Variants in COL23A1 observed in about 807,000 individuals in gnomAD.
COL23A1 encodes the protein collagen alpha-1(XXIII) chain.
A neutral mutation model predicts 99.3 loss-of-function variants in COL23A1; 97 were observed. The observed-to-expected ratio is 0.98, with a 90% CI of 0.83 to 1.16. The LOEUF is 1.16. COL23A1 is among the 50% of genes most tolerant of loss of function. The pLI is 0.00. For missense variants in COL23A1, 762 were observed against 757.4 expected (o/e 1.01, Z -0.07); for synonymous variants, 320 against 308.2 (o/e 1.04, Z -0.40).
intron 2 of COL23A1, among the ~76,000 whole-genome samples, chr5:178,342,680 G>A (rs974349768): frequency 1.3e-5 from 2 of 152,116 alleles, no homozygotes; most frequent in Non-Finnish European, 2.9e-5. Context: ...ACAGGATAAT[G>A]CCTCATCCCA....
At chr5:178,416,877 T>C (rs947091520) in intron 2 of COL23A1, among the ~76,000 whole-genome samples, 1 of 152,062 alleles carries the variant, frequency 6.6e-6, no homozygotes, top group Non-Finnish European at 1.5e-5. Flanking sequence ...GGGCAGGCTG[T>C]CAACACACAG....
chr5:178,383,318 A>G (rs114152625), intron 2 of COL23A1, among the ~76,000 whole-genome samples: 3,204 of 152,234 alleles, frequency 0.021, 96 homozygotes, highest in African/African-American at 0.065. Flanking sequence ...CCTTATCTCT[A>G]CCCCACCTGA....
intron 2 of COL23A1, among the ~76,000 whole-genome samples, chr5:178,517,466 G>C (rs2128000125): frequency 6.6e-6 from 1 of 150,746 alleles, no homozygotes; most frequent in Admixed American, 6.6e-5. Flanking sequence ...AGGAGAGTCT[G>C]TTAAATCCAA....
chr5:178,505,131 C>T (rs990544874), intron 2 of COL23A1, among the ~76,000 whole-genome samples: 7 of 152,174 alleles, frequency 4.6e-5, no homozygotes, highest in African/African-American at 1.4e-4. Context: ...CTGGTCCATG[C>T]CTGGCTTCTG....
At chr5:178,456,153 T>C (rs919821615) in intron 2 of COL23A1, among the ~76,000 whole-genome samples, 16 of 152,210 alleles carry the variant, frequency 1.1e-4, no homozygotes, top group Non-Finnish European at 1.8e-4. Flanking sequence ...CCTCAAGTCA[T>C]ATCCTTCCCT....
chr5:178,508,825 TC>T (rs1759029554), intron 2 of COL23A1, among the ~76,000 whole-genome samples: 1 of 152,190 alleles, frequency 6.6e-6, no homozygotes, highest in African/African-American at 2.4e-5. Flanking sequence ...CACCACTGTG[TC>T]ATTCCTTGTG....
In COL23A1 at chr5:178,380,112, A is replaced by G. The variant is rs992388118; in HGVS notation, c.362-73193T>C. Among the ~76,000 whole-genome samples, 377 of 152,226 alleles carry G rather than the reference A, an allele frequency of 2.5e-3. 3 individuals are homozygous for G. Among genetic ancestry groups the G allele is most frequent in the African/African-American group, 8.7e-3 (363 of 41,528 alleles). On this transcript the variant is annotated intron_variant, in intron 2 of 28. Transcript: ENST00000390654. Reference sequence around the variant, plus strand: ...TGATGATCTATACACAAAATTCTACATGTGGCCTGTTTTGCTGAAGCCCTT... The same window carrying G: ...TGATGATCTATACACAAAATTCTACGTGTGGCCTGTTTTGCTGAAGCCCTT...
chr5:178,518,411 G>A (rs1183333109), intron 2 of COL23A1, among the ~76,000 whole-genome samples: 2 of 149,836 alleles, frequency 1.3e-5, no homozygotes, highest in Non-Finnish European at 2.9e-5. Flanking sequence ...GAGCTGTTGG[G>A]CACACCTCCC....
chr5:178,402,551 A>G (rs766546544), intron 2 of COL23A1, among the ~76,000 whole-genome samples: 1 of 152,210 alleles, frequency 6.6e-6, no homozygotes, highest in Non-Finnish European at 1.5e-5. Flanking sequence ...AATAGCTAGA[A>G]AAGAATTATT....
chr5:178,547,217 C>T (rs759247169), intron 2 of COL23A1, among the ~76,000 whole-genome samples: 6 of 152,026 alleles, frequency 3.9e-5, no homozygotes, highest in African/African-American at 4.8e-5. Flanking sequence ...ACGCCAGCAC[C>T]GAGCTAAATG....
At chr5:178,545,142 G>A (rs906073664) in intron 2 of COL23A1, among the ~76,000 whole-genome samples, 4 of 151,940 alleles carry the variant, frequency 2.6e-5, no homozygotes, top group Non-Finnish European at 5.9e-5. Context: ...CACAGTATGA[G>A]GGCCATAGAG....
chr5:178,441,710 G>A (rs540591539), intron 2 of COL23A1, among the ~76,000 whole-genome samples: 22 of 152,244 alleles, frequency 1.4e-4, no homozygotes, highest in Admixed American at 9.2e-4. Context: ...CAGACGACAC[G>A]GGGTGACGAC....
intron 3 of COL23A1, among the ~76,000 whole-genome samples, chr5:178,299,625 T>C (rs949564223): frequency 8.5e-5 from 13 of 152,122 alleles, no homozygotes; most frequent in Non-Finnish European, 1.6e-4. Flanking sequence ...TTCTCTACTG[T>C]TTTTCTATTT....
intron 5 of COL23A1, among the ~76,000 whole-genome samples, chr5:178,286,764 A>T (rs1324321930): frequency 3.3e-5 from 5 of 152,180 alleles, no homozygotes. Context: ...GGTGTGGCTG[A>T]GAACAAGCCC....
intron 8 of COL23A1, 74 bp downstream of exon 8, chr5:178,267,233 C>T: frequency 6.6e-7 from 1 of 1,505,736 alleles, no homozygotes; most frequent in Non-Finnish European, 9.2e-7. Context: ...GACCCAGAAG[C>T]AGCGCCAGTT....
intron 6 of COL23A1, 85 bp from the exon 7 acceptor site, chr5:178,268,841 C>A (rs1756058311): frequency 2.1e-6 from 3 of 1,406,268 alleles, no homozygotes; most frequent in South Asian, 1.3e-5. Context: ...CCTCTGAGGG[C>A]AGAAGGGCCC....
chr5:178,490,643 G>C (rs1399800663), intron 2 of COL23A1, among the ~76,000 whole-genome samples: 2 of 152,138 alleles, frequency 1.3e-5, no homozygotes, highest in African/African-American at 4.8e-5. Context: ...CAGATGTGGT[G>C]GTGTGCACCT....
intron 2 of COL23A1, among the ~76,000 whole-genome samples, chr5:178,330,191 G>A (rs1013353830): frequency 7.9e-5 from 12 of 152,192 alleles, no homozygotes; most frequent in African/African-American, 2.9e-4. Flanking sequence ...GCAGAAGAAG[G>A]GCCTAGGGTC....
intron 1 of COL23A1, among the ~76,000 whole-genome samples, chr5:178,577,026 C>G (rs1247661233): frequency 6.6e-6 from 1 of 152,090 alleles, no homozygotes; most frequent in Non-Finnish European, 1.5e-5. Flanking sequence ...GTGTCCCTAG[C>G]GCGGTACTGC....
Sources: gnomAD v4.1 joint callset for allele counts (sites outside exome capture counted in the v4.1 genomes callset) on GRCh38, gnomAD v4.1.1 for gene constraint, MANE v1.5 for transcripts, NCBI Gene and HGNC (gene_info 2026-07-23, HGNC 2026-07-21) for gene names.